Variants in OR2L13 observed in about 807,000 individuals in gnomAD.
OR2L13 encodes the protein olfactory receptor 2L13.
In OR2L13, 14 loss-of-function variants were observed where a neutral mutation model predicts 15.3. That is an observed-to-expected ratio of 0.91 (90% confidence interval 0.60 to 1.43). The LOEUF (loss-of-function observed/expected upper bound fraction) is 1.43. OR2L13 is among the 40% of genes most tolerant of loss of function. OR2L13 has a pLI of 0.00. For missense variants in OR2L13, 367 were observed against 387.9 expected (o/e 0.95, Z 0.45); for synonymous variants, 152 against 142.9 (o/e 1.06, Z -0.45).
chr1:248,034,628 C>T, the OR2L13 span, among the ~76,000 whole-genome samples: 9 of 152,220 alleles, frequency 5.9e-5, no homozygotes, highest in South Asian at 1.9e-3. Context: ...TTCCATTTAT[C>T]TGTGTCTTCT....
At chr1:247,957,423 G>C in the OR2L13 span, among the ~76,000 whole-genome samples, 1 of 152,094 alleles carries the variant, frequency 6.6e-6, no homozygotes, top group Non-Finnish European at 1.5e-5. Flanking sequence ...TTGTGTCTCT[G>C]CCTGGCTTTG....
chr1:248,004,802 A>G, the OR2L13 span, among the ~76,000 whole-genome samples: 1 of 152,150 alleles, frequency 6.6e-6, no homozygotes, highest in Non-Finnish European at 1.5e-5. Context: ...GTTTAGTTTC[A>G]TTTTTCTGCT....
the OR2L13 span, chr1:248,004,022 G>A: frequency 6.2e-7 from 1 of 1,613,486 alleles, no homozygotes; most frequent in Non-Finnish European, 8.5e-7. Flanking sequence ...GGAGGTGATG[G>A]GGGCCCTGAC....
chr1:248,022,560 T>G, the OR2L13 span: 2 of 1,614,092 alleles, frequency 1.2e-6, no homozygotes, highest in African/African-American at 1.3e-5. Context: ...CAGCACCATC[T>G]TTCTTGTGTT....
chr1:248,007,697 A>C, the OR2L13 span, among the ~76,000 whole-genome samples: 2 of 152,144 alleles, frequency 1.3e-5, no homozygotes, highest in African/African-American at 4.8e-5. Context: ...ATTATTTTGC[A>C]CTTCACAGTC....
the OR2L13 span, among the ~76,000 whole-genome samples, chr1:247,963,730 T>C: frequency 1.3e-5 from 2 of 152,216 alleles, no homozygotes; most frequent in Non-Finnish European, 2.9e-5. Context: ...CCAATCTGCA[T>C]TCCTCATATA....
At chr1:248,069,232 G>A in the OR2L13 span, among the ~76,000 whole-genome samples, 2 of 152,068 alleles carry the variant, frequency 1.3e-5, no homozygotes, top group Non-Finnish European at 2.9e-5. Context: ...GAGAAAAGTC[G>A]GGTTACCCAC....
At chr1:248,023,316 C>T in the OR2L13 span, 2 of 152,432 alleles carry the variant, frequency 1.3e-5, no homozygotes, top group East Asian at 3.9e-4. Context: ...TGTATGTGTT[C>T]CTCTTTTTGC....
chr1:248,087,640 T>C, the OR2L13 span: 1 of 152,182 alleles, frequency 6.6e-6, no homozygotes, highest in African/African-American at 2.4e-5. Context: ...CTGTGGTCAC[T>C]GAAAGTTTCT....
the OR2L13 span, chr1:247,965,989 A>G: frequency 6.2e-7 from 1 of 1,611,722 alleles, no homozygotes. Context: ...GAGTGGACTT[A>G]TTATCTTGCT....
chr1:247,963,076 C>T, the OR2L13 span, among the ~76,000 whole-genome samples: 1 of 151,940 alleles, frequency 6.6e-6, no homozygotes, highest in Admixed American at 6.6e-5. Context: ...CAAGAGCAAG[C>T]CAACAGAGTA....
At chr1:247,970,344 T>G in the OR2L13 span, among the ~76,000 whole-genome samples, 3 of 149,916 alleles carry the variant, frequency 2.0e-5, no homozygotes, top group South Asian at 6.2e-4. Flanking sequence ...ATAATAATAA[T>G]TAAAAACAAA....
Position 248,099,421 on chromosome 1 carries a change from C to G in OR2L13, c.46C>G (p.Leu16Val), listed in dbSNP as rs772026656. The change falls in exon 3 of 3, where the codon CTG becomes GTG. Residue 16 changes from leucine to valine, a missense_variant. Transcript: ENST00000641714. ...TTCAAATGATTTCATTTTGTTGGGT[C>G]TGCTTCCCCCAAATCAAACTGGAAT... 4.3e-6 allele frequency: 7 copies of G among 1,613,790 alleles called. No homozygotes were observed. The South Asian group carries it at 6.6e-5, about 15-fold the overall frequency.
chr1:248,071,912 G>A, the OR2L13 span, among the ~76,000 whole-genome samples: 267 of 151,386 alleles, frequency 1.8e-3, no homozygotes, highest in Non-Finnish European at 2.8e-3. Flanking sequence ...TAGGAATCCA[G>A]CTTACAAGGG....
chr1:248,073,397 G>A, the OR2L13 span, among the ~76,000 whole-genome samples: 2 of 151,622 alleles, frequency 1.3e-5, no homozygotes, highest in Non-Finnish European at 2.9e-5. Flanking sequence ...AATACCACAT[G>A]TTCTCACTCA....
chr1:248,015,871 G>A, the OR2L13 span, among the ~76,000 whole-genome samples: 1 of 152,022 alleles, frequency 6.6e-6, no homozygotes. Flanking sequence ...ATTTCTCTTT[G>A]AGAATACTTT....
At chr1:248,100,547 ATATAT>A (rs1446655615) in exon 3 of OR2L13, 1 of 235,322 alleles carries the variant, frequency 4.2e-6, no homozygotes, top group Non-Finnish European at 8.8e-6. Context: ...ATTATATGCA[ATATAT>A]TATAGTACAT....
At chr1:247,968,794 G>A in the OR2L13 span, among the ~76,000 whole-genome samples, 956 of 149,206 alleles carry the variant, frequency 6.4e-3, 11 homozygotes, top group African/African-American at 0.023. Flanking sequence ...GAATGGTGCT[G>A]CAATAAACAT....
chr1:247,975,805 A>G, the OR2L13 span, among the ~76,000 whole-genome samples: 2 of 152,158 alleles, frequency 1.3e-5, no homozygotes, highest in Admixed American at 6.6e-5. Flanking sequence ...TGACATTATA[A>G]TTGCATATTC....
Sources: allele counts gnomAD v4.1 joint callset (sites outside exome capture counted in the v4.1 genomes callset), GRCh38; gene constraint gnomAD v4.1.1; transcripts MANE v1.5; gene names NCBI Gene and HGNC (gene_info 2026-07-23, HGNC 2026-07-21).